The following MBP variants were observed in gnomAD, a reference collection of about 807,000 sequenced individuals.
MBP encodes the protein Golli-MBP.
Under a neutral mutation model 35.8 loss-of-function variants are expected in MBP, and 16 were observed. The ratio of observed to expected loss-of-function variants is 0.45; its 90% confidence interval spans 0.30 to 0.68. MBP has a LOEUF of 0.68. Among genes scored for constraint, MBP ranks in the 30% least tolerant of loss-of-function variants. The pLI, the probability that MBP is intolerant of heterozygous loss-of-function variation, is 0.08. For synonymous variants in MBP, 143 were observed against 159.6 expected (o/e 0.90, Z 0.78); for missense variants, 380 against 404.7 (o/e 0.94, Z 0.52).
At chr18:77,064,454 G>A (rs1243855285) in intron 3 of MBP, among the ~76,000 whole-genome samples, 1 of 152,174 alleles carries the variant, frequency 6.6e-6, no homozygotes, top group Non-Finnish European at 1.5e-5. Context: ...GCAGAGCACT[G>A]AGTCCCTTTT....
chr18:77,069,472 A>C (rs1974341826), intron 2 of MBP, among the ~76,000 whole-genome samples: 1 of 152,218 alleles, frequency 6.6e-6, no homozygotes, highest in Admixed American at 6.5e-5. Flanking sequence ...GTTATTGATC[A>C]TAGATGCATT....
chr18:77,065,345 C>A (rs1599171869), intron 3 of MBP, among the ~76,000 whole-genome samples: 1 of 152,116 alleles, frequency 6.6e-6, no homozygotes, highest in South Asian at 2.1e-4. Context: ...CCTCTCCTTA[C>A]AAAGCCACTG....
At chr18:77,088,178 G>A (rs7241373) in intron 2 of MBP, among the ~76,000 whole-genome samples, 112,532 of 152,122 alleles carry the variant, frequency 0.74, 43,085 homozygotes, top group South Asian at 0.89. Context: ...TAGCCTGGGT[G>A]CTATAAACCA....
At chr18:77,074,292 C>T (rs73968297) in intron 2 of MBP, among the ~76,000 whole-genome samples, 10,268 of 150,180 alleles carry the variant, frequency 0.068, 567 homozygotes, top group East Asian at 0.19. Flanking sequence ...CCCGGGTCTC[C>T]CCAAGGGGGT....
chr18:77,095,847 C>A (rs542429263), intron 2 of MBP, among the ~76,000 whole-genome samples: 2 of 152,246 alleles, frequency 1.3e-5, no homozygotes, highest in African/African-American at 4.8e-5. Context: ...AGTTCCTCAA[C>A]GTCAGCACCC....
rs569558942 is a variant in MBP, at chr18:77,016,941, T to C, written c.467A>G (p.Asp156Gly). 8.7e-6 allele frequency: 14 copies of C among 1,613,980 alleles called. No homozygotes were observed. Among genetic ancestry groups the C allele is most frequent in the Non-Finnish European group, 1.2e-5 (14 of 1,180,020 alleles). The change falls in exon 4 of 9, where the codon GAC becomes GGC. Residue 156 changes from aspartate to glycine, a missense_variant. Transcript: ENST00000355994. ...TGGGAGGAAGCCATGCCTGGCATGG[T>C]CCATGGTACTTGCTGTGGCCAGGTA... ...SKYLATASTM[D>G]HARHGFLPRH...
At chr18:77,063,541 G>A (rs1008549311) in intron 3 of MBP, among the ~76,000 whole-genome samples, 11 of 152,308 alleles carry the variant, frequency 7.2e-5, no homozygotes, top group African/African-American at 2.6e-4. Flanking sequence ...GGGCAGAAAG[G>A]CTTGGAATGT....
intron 4 of MBP, among the ~76,000 whole-genome samples, chr18:76,997,586 C>A (rs1970344673): frequency 6.6e-6 from 1 of 152,228 alleles, no homozygotes; most frequent in Non-Finnish European, 1.5e-5. Flanking sequence ...TTGTGCTGAG[C>A]ACGGGAAGAA....
intron 3 of MBP, among the ~76,000 whole-genome samples, chr18:77,060,443 CT>C (rs1973927082): frequency 8.5e-6 from 1 of 117,458 alleles, no homozygotes; most frequent in East Asian, 2.4e-4. Context: ...TTTTCTCTCT[CT>C]CTCCTTTTTT....
At chr18:77,081,793 CGT>C (rs376423844) in intron 2 of MBP, among the ~76,000 whole-genome samples, 1,292 of 29,642 alleles carry the variant, frequency 0.044, 24 homozygotes, top group African/African-American at 0.11. Flanking sequence ...CACACACACA[CGT>C]ATATATATAT....
intron 2 of MBP, among the ~76,000 whole-genome samples, chr18:77,089,922 T>A (rs1300793631): frequency 6.6e-6 from 1 of 152,126 alleles, no homozygotes; most frequent in Non-Finnish European, 1.5e-5. Flanking sequence ...TAGAATGGCA[T>A]CTTCATCTGT....
intron 1 of MBP, chr18:77,108,807 G>C (rs1367809219): frequency 6.6e-6 from 1 of 152,242 alleles, no homozygotes; most frequent in Non-Finnish European, 1.5e-5. Context: ...ATAGCTCCCA[G>C]CTGAAATGCT....
At chr18:77,076,492 A>G (rs1444328896) in intron 2 of MBP, among the ~76,000 whole-genome samples, 1 of 152,230 alleles carries the variant, frequency 6.6e-6, no homozygotes, top group Non-Finnish European at 1.5e-5. Context: ...GAGAGCATCG[A>G]GGCGGCACCG....
At chr18:76,987,325 A>G (rs1204762660) in intron 7 of MBP, 3 of 985,482 alleles carry the variant, frequency 3.0e-6, no homozygotes, top group Non-Finnish European at 3.6e-6. Flanking sequence ...GTACTAGTCC[A>G]TGTACATTTG....
chr18:77,004,929 C>T (rs1271423589), intron 4 of MBP: 1 of 152,208 alleles, frequency 6.6e-6, no homozygotes, highest in Admixed American at 6.5e-5. Flanking sequence ...AGTGAAGCTC[C>T]CGTGGCCTCC....
At chr18:76,980,532 C>A in intron 8 of MBP, 61 bp from the exon 9 acceptor site, 1 of 1,340,882 alleles carries the variant, frequency 7.5e-7, no homozygotes, top group Non-Finnish European at 1.1e-6. Flanking sequence ...ACACCAGCAT[C>A]CCCTCTTCTG....
rs910081800 is a variant in MBP at position 76,997,874 on chromosome 18, G to A, written c.577-7814C>T. 3.3e-5 allele frequency among the ~76,000 whole-genome samples: 5 copies of A among 152,096 alleles called. No homozygotes were observed. The South Asian group carries it at 8.3e-4, about 25-fold the overall frequency. ...TTTTTTTGTATTTTTAGTAGAGACG[G>A]GGTTTCACTGTGTTAGCCAGGATGG... On this transcript the variant is annotated intron_variant, in intron 4 of 8. Coordinates refer to ENST00000355994, the MANE Select transcript of MBP (RefSeq NM_001025101.2).
At chr18:77,120,354 G>A (rs886869255) in intron 1 of MBP, among the ~76,000 whole-genome samples, 30 of 152,194 alleles carry the variant, frequency 2.0e-4, no homozygotes, top group African/African-American at 4.6e-4. Context: ...GCTGCAGAGG[G>A]GCAGCTGTGA....
At chr18:77,088,165 C>T (rs1975343020) in intron 2 of MBP, among the ~76,000 whole-genome samples, 1 of 152,186 alleles carries the variant, frequency 6.6e-6, no homozygotes, top group Non-Finnish European at 1.5e-5. Context: ...TAAACAAATA[C>T]TGTAGCCTGG....
Sources: gnomAD v4.1 joint callset for allele counts (sites outside exome capture counted in the v4.1 genomes callset) on GRCh38, gnomAD v4.1.1 for gene constraint, MANE v1.5 for transcripts, NCBI Gene and HGNC (gene_info 2026-07-23, HGNC 2026-07-21) for gene names.